The following MAP3K1 variants were observed in gnomAD, a reference collection of about 807,000 sequenced individuals.
MAP3K1 encodes MAP/ERK kinase kinase 1.
In MAP3K1, 36 loss-of-function variants were observed where a neutral mutation model predicts 144.2. The observed-to-expected ratio is 0.25, with a 90% CI of 0.19 to 0.33. The LOEUF is 0.33. MAP3K1 is among the 10% of genes least tolerant of loss of function. The pLI is 1.00. For missense variants in MAP3K1, 1,650 were observed against 1,881.9 expected (o/e 0.88, Z 2.28); for synonymous variants, 718 against 688.7 (o/e 1.04, Z -0.67).
intron 1 of MAP3K1, among the ~76,000 whole-genome samples, chr5:56,847,620 G>C (rs1000780421): frequency 1.3e-5 from 2 of 152,180 alleles, no homozygotes; most frequent in African/African-American, 4.8e-5. Flanking sequence ...CACTTTTCCT[G>C]CAAGGCAGTT....
intron 18 of MAP3K1, chr5:56,887,874 C>T: frequency 2.3e-6 from 1 of 433,856 alleles, no homozygotes. Flanking sequence ...CAGCTCCTGT[C>T]TGTAGTGGAA....
chr5:56,878,261 T>C (rs1243696711), intron 10 of MAP3K1, among the ~76,000 whole-genome samples: 1 of 152,024 alleles, frequency 6.6e-6, no homozygotes, highest in African/African-American at 2.4e-5. Flanking sequence ...TGGTGCTCTC[T>C]TGGGCACAGG....
Position 56,893,849 on chromosome 5 carries a change from C to A in MAP3K1, c.*169C>A. On this transcript the variant is annotated 3_prime_UTR_variant, in exon 20 of 20. Coordinates refer to ENST00000399503, the MANE Select transcript of MAP3K1 (RefSeq NM_005921.2). ...GTGATTGACAAATCATGATCTGTAC[C>A]TAAGCTCAGTATGCAAAAGCCCAAA... The A allele has an allele frequency of 1.4e-6, 1 of 724,704 alleles. No homozygotes were observed. Among genetic ancestry groups the A allele is most frequent in the South Asian group, 1.6e-5 (1 of 61,654 alleles). 44.9% of individuals were successfully genotyped at this position (724,704 alleles called of 1,614,324 possible). A position where few individuals can be genotyped will look rare whatever the true frequency, so the allele number is the denominator to read the frequency against.
chr5:56,886,947 G>A (rs1748395388), intron 17 of MAP3K1, among the ~76,000 whole-genome samples: 1 of 151,958 alleles, frequency 6.6e-6, no homozygotes, highest in African/African-American at 2.4e-5. Flanking sequence ...TTTTTGTAGA[G>A]ATGGGGTTTT....
intron 1 of MAP3K1, among the ~76,000 whole-genome samples, chr5:56,826,564 C>T (rs1410914736): frequency 2.0e-5 from 3 of 152,208 alleles, no homozygotes; most frequent in Non-Finnish European, 2.9e-5. Flanking sequence ...GGTCAGACAA[C>T]AGATGTGCTC....
intron 1 of MAP3K1, among the ~76,000 whole-genome samples, chr5:56,840,045 AT>A (rs1332064747): frequency 3.3e-5 from 5 of 152,216 alleles, no homozygotes; most frequent in African/African-American, 1.2e-4. Context: ...GTTTACATCA[AT>A]TGGCCTATGG....
chr5:56,830,343 G>A (rs1012642007), intron 1 of MAP3K1, among the ~76,000 whole-genome samples: 2 of 152,148 alleles, frequency 1.3e-5, no homozygotes, highest in Non-Finnish European at 2.9e-5. Flanking sequence ...AATCCAAAAT[G>A]AAATTTTTTT....
intron 15 of MAP3K1, among the ~76,000 whole-genome samples, 167 bp downstream of exon 15, chr5:56,883,846 T>C (rs1223196358): frequency 6.6e-6 from 1 of 152,142 alleles, no homozygotes; most frequent in African/African-American, 2.4e-5. Flanking sequence ...CATCATGAAT[T>C]CTGTTATTGT....
chr5:56,872,929 G>A lies in MAP3K1; in HGVS notation c.1610G>A (p.Ser537Asn), dbSNP rs768818239. ...GCTGGATCACGAAGGAATCAAGAGA[G>A]CAATTTTAACCTTACTCATTATGGA... ...PLAGSRRNQE[S>N]NFNLTHYGTQ... Residue 537 changes from serine (S) to asparagine (N), a missense_variant, in exon 9 of 20, where the codon AGC (serine) becomes AAC (asparagine). Ser to Asn is a conservative substitution (Grantham distance 46). This residue lies in a region of MAP3K1 where 841 missense variants were observed against 886.5 expected (regional missense o/e 0.95). Coordinates refer to ENST00000399503, the MANE Select transcript of MAP3K1 (RefSeq NM_005921.2). 12 of 1,614,064 alleles carry A rather than the reference G, an allele frequency of 7.4e-6. No individual in the cohort carries two copies. In the South Asian group the frequency reaches 1.3e-4, roughly 18 times the overall value.
chr5:56,830,129 C>T (rs1235489341), intron 1 of MAP3K1, among the ~76,000 whole-genome samples: 1 of 152,170 alleles, frequency 6.6e-6, no homozygotes, highest in Non-Finnish European at 1.5e-5. Flanking sequence ...AATCCAGCAG[C>T]CTTCTAAAGA....
At chr5:56,836,162 T>C (rs969003036) in intron 1 of MAP3K1, among the ~76,000 whole-genome samples, 3 of 152,226 alleles carry the variant, frequency 2.0e-5, no homozygotes, top group African/African-American at 7.2e-5. Context: ...GAGCAGTTCC[T>C]GTAAAGGACC....
At chr5:56,867,782 A>G (rs1747721135) in intron 6 of MAP3K1, among the ~76,000 whole-genome samples, 1 of 152,210 alleles carries the variant, frequency 6.6e-6, no homozygotes, top group African/African-American at 2.4e-5. Flanking sequence ...TGAGAAATGC[A>G]AAAGCCTCAC....
rs1480021214 is a variant in MAP3K1, at chr5:56,865,405, A to G, written c.1101A>G (p.Gln367=). The change falls in exon 5 of 20, where the codon CAA becomes CAG. Residue 367 remains glutamine (Q), a synonymous_variant. Coordinates refer to ENST00000399503, the MANE Select transcript of MAP3K1 (RefSeq NM_005921.2). ...TATTTGTGATGCTCCGGGTGTTTCA[A>G]CTAGAACCTTCAGACCCAATGTTAT... is the stretch of plus-strand genomic sequence containing the variant. The part of the protein sequence containing the change: ...HLLFVMLRVF[Q]LEPSDPMLWR... The G allele has an allele frequency of 4.3e-6, 7 of 1,612,746 alleles. No individual in the cohort carries two copies. In the Admixed American group the frequency reaches 5.0e-5, roughly 12 times the overall value.
At chr5:56,817,542 C>G (rs946455256) in intron 1 of MAP3K1, among the ~76,000 whole-genome samples, 3 of 152,172 alleles carry the variant, frequency 2.0e-5, no homozygotes, top group Non-Finnish European at 4.4e-5. Flanking sequence ...CTACTGAGAC[C>G]AAAGGAGATT....
intron 1 of MAP3K1, among the ~76,000 whole-genome samples, chr5:56,826,361 C>CT (rs554285545): frequency 4.4e-4 from 67 of 152,234 alleles, no homozygotes; most frequent in Non-Finnish European, 7.6e-4. Context: ...GTTTTTTTCT[C>CT]TATCATTGTA....
chr5:56,882,429 T>C lies in MAP3K1; in HGVS notation c.3229T>C (p.Ser1077Pro). 1 of 1,614,094 alleles carries C rather than the reference T, an allele frequency of 6.2e-7. No homozygotes were observed. Among genetic ancestry groups the C allele is most frequent in the Non-Finnish European group, 8.5e-7 (1 of 1,179,996 alleles). ...TAATACAAGTAAACAGGGAGATCCC[T>C]CAAAAAATAGCATGACACTTGATCT... ...PGNTSKQGDP[S>P]KNSMTLDLNS... is the part of the protein sequence containing the mutation. Residue 1077 changes from serine (S) to proline (P), a missense_variant, in exon 14 of 20, where the codon TCA (serine) becomes CCA (proline). Ser to Pro is a moderately conservative substitution (Grantham distance 74). Around this residue, in one of 6 missense-constraint regions of MAP3K1, gnomAD observed 841 missense variants for 886.5 expected, o/e 0.95. Coordinates refer to ENST00000399503, the MANE Select transcript of MAP3K1 (RefSeq NM_005921.2).
intron 19 of MAP3K1, among the ~76,000 whole-genome samples, chr5:56,890,697 G>T (rs1013407435): frequency 6.6e-6 from 1 of 152,054 alleles, no homozygotes; most frequent in Non-Finnish European, 1.5e-5. Flanking sequence ...GAAGCTGTTG[G>T]TGTTGATTTA....
chr5:56,851,713 G>C (rs1289820645), intron 1 of MAP3K1, among the ~76,000 whole-genome samples: 3 of 152,218 alleles, frequency 2.0e-5, no homozygotes, highest in African/African-American at 7.2e-5. Flanking sequence ...ATACCGTTCA[G>C]TACAGAAGGT....
intron 2 of MAP3K1, among the ~76,000 whole-genome samples, chr5:56,858,196 T>C (rs904567868): frequency 2.6e-5 from 4 of 152,234 alleles, no homozygotes; most frequent in African/African-American, 9.6e-5. Flanking sequence ...ATCTGAAGTT[T>C]GAATGTGCTG....
Sources: gnomAD v4.1 joint callset for allele counts (sites outside exome capture counted in the v4.1 genomes callset) on GRCh38, gnomAD v4.1.1 for gene constraint, gnomAD v4.1.1 regional missense constraint, MANE v1.5 for transcripts, NCBI Gene and HGNC (gene_info 2026-07-23, HGNC 2026-07-21) for gene names.